DNTT: variants seen among roughly 807,000 people sequenced by gnomAD.
The protein encoded by DNTT is DNA nucleotidylexotransferase.
In DNTT, 47 loss-of-function variants were observed where a neutral mutation model predicts 60.9. The ratio of observed to expected loss-of-function variants is 0.77; its 90% CI spans 0.61 to 0.98. The LOEUF is 0.98. Among genes scored for constraint, DNTT ranks in the 50% least tolerant of loss-of-function variants. The probability of loss-of-function intolerance (pLI) is 0.00; values close to 1 mark genes in which losing one functional copy is unlikely to be tolerated. For synonymous variants in DNTT, 224 were observed against 221.2 expected (o/e 1.01, Z -0.11); for missense variants, 665 against 627.5 (o/e 1.06, Z -0.64).
At chr10:96,313,095 C>G (rs1844739640) in intron 1 of DNTT, among the ~76,000 whole-genome samples, 1 of 152,172 alleles carries the variant, frequency 6.6e-6, no homozygotes, top group Non-Finnish European at 1.5e-5. Context: ...ACTGAGGTAC[C>G]AATGCCAGTT....
intron 4 of DNTT, among the ~76,000 whole-genome samples, chr10:96,321,298 T>C (rs1219229630): frequency 6.6e-6 from 1 of 152,040 alleles, no homozygotes; most frequent in Non-Finnish European, 1.5e-5. Flanking sequence ...CGTTTGACCT[T>C]TTGACTTGGG....
At chr10:96,310,670 A>G (rs1844704881) in intron 1 of DNTT, among the ~76,000 whole-genome samples, 1 of 152,170 alleles carries the variant, frequency 6.6e-6, no homozygotes, top group Admixed American at 6.5e-5. Context: ...ATCTCATCCA[A>G]TTACCCCTCT....
At chr10:96,310,544 C>T (rs371236530) in intron 1 of DNTT, among the ~76,000 whole-genome samples, 2 of 152,182 alleles carry the variant, frequency 1.3e-5, no homozygotes, top group East Asian at 3.8e-4. Context: ...TCTCTGCTTC[C>T]CAGACCTTAG....
At position 96,338,473 on chromosome 10, in the gene DNTT, T is replaced by TG. The variant is rs1169307042; in HGVS notation, c.*251dup. Reference sequence around the variant, plus strand: ...TTTTCAAGAGAAATGATGTTGTCACTGGTGGCTCATTCAGGGAAGCTCATC... The same window carrying TG: ...TTTTCAAGAGAAATGATGTTGTCACTGGGTGGCTCATTCAGGGAAGCTCATC... On this transcript the variant is annotated 3_prime_UTR_variant, in exon 11 of 11. Coordinates refer to ENST00000371174, the MANE Select transcript of DNTT (RefSeq NM_004088.4). 1 of 318,100 alleles carries TG rather than the reference T, an allele frequency of 3.1e-6. No homozygotes were observed. Among genetic ancestry groups the TG allele is most frequent in the Non-Finnish European group, 5.8e-6 (1 of 173,456 alleles). 19.7% of individuals were successfully genotyped at this position (318,100 alleles called of 1,614,324 possible).
rs1845063036 is a variant in DNTT, at chr10:96,335,921, A to G, written c.1390A>G (p.Thr464Ala). 1.9e-6 allele frequency: 3 copies of G among 1,614,204 alleles called. No homozygotes were observed. The highest frequency in any genetic ancestry group is 2.5e-6 in the Non-Finnish European group (3 of 1,180,028). ...QFERDLRRYA[T>A]HERKMILDNH... is the part of the protein sequence containing the mutation. ...TGAGAGAGACCTCCGGCGCTATGCC[A>G]CACATGAGCGGAAGATGATTCTGGA... Residue 464 changes from threonine (T) to alanine (A), a missense_variant, in exon 10 of 11, where the codon ACA becomes GCA. Coordinates refer to ENST00000371174, the MANE Select transcript of DNTT (RefSeq NM_004088.4).
At chr10:96,324,612 G>A (rs1292474139) in intron 6 of DNTT, among the ~76,000 whole-genome samples, 1 of 152,220 alleles carries the variant, frequency 6.6e-6, no homozygotes, top group African/African-American at 2.4e-5. Flanking sequence ...ATGAAAGAGA[G>A]ATAACATTGA....
chr10:96,322,863 A>G, intron 5 of DNTT, 135 bp downstream of exon 5: 1 of 618,000 alleles, frequency 1.6e-6, no homozygotes, highest in Non-Finnish European at 2.7e-6. Context: ...ACAGAAATTT[A>G]TTTTCTCACC....
chr10:96,316,763 C>G (rs1844791493), intron 1 of DNTT, among the ~76,000 whole-genome samples: 1 of 152,186 alleles, frequency 6.6e-6, no homozygotes, highest in Non-Finnish European at 1.5e-5. Context: ...TTTTCCTTCT[C>G]TGAACATGGC....
rs778706264 is a variant in DNTT, at chr10:96,328,679, ACTAATAT to A, written c.1008-40_1008-34del. The A allele has an allele frequency of 5.7e-6, 9 of 1,569,238 alleles. No individual in the cohort carries two copies. The African/African-American group carries it at 1.2e-4, about 21-fold the overall frequency. On this transcript the variant is annotated intron_variant, in intron 7 of 10. Transcript: ENST00000371174. ...CAAAGGTGATTTTTTAAAAATGAAGACTAATATCTAATTGATTTCCATTTTATACTGC... is the reference window on the plus strand; with the variant it reads ...CAAAGGTGATTTTTTAAAAATGAAGACTAATTGATTTCCATTTTATACTGC...
At chr10:96,318,599 C>G in intron 2 of DNTT, 73 bp downstream of exon 2, 1 of 1,529,332 alleles carries the variant, frequency 6.5e-7, no homozygotes, top group East Asian at 2.3e-5. Flanking sequence ...ATCAACGGAG[C>G]TGGGGTAAAC....
intron 1 of DNTT, among the ~76,000 whole-genome samples, chr10:96,310,892 T>C (rs1354976716): frequency 2.0e-5 from 3 of 152,246 alleles, no homozygotes; most frequent in Non-Finnish European, 4.4e-5. Context: ...ACATAATAAA[T>C]ATTTTATTTT....
chr10:96,322,508 G>T (rs770641110), intron 4 of DNTT, 149 bp from the exon 5 acceptor site: 2 of 487,018 alleles, frequency 4.1e-6, no homozygotes, highest in African/African-American at 2.0e-5. Context: ...GAAATGTCTT[G>T]TTTTCTCCAG....
chr10:96,319,535 C>A, intron 3 of DNTT, 145 bp downstream of exon 3: 1 of 1,107,778 alleles, frequency 9.0e-7, no homozygotes, highest in Non-Finnish European at 1.3e-6. Context: ...ATCTCTGATC[C>A]TTCTATCCTT....
At chr10:96,311,092 C>T (rs2146385) in intron 1 of DNTT, among the ~76,000 whole-genome samples, 10,777 of 152,226 alleles carry the variant, frequency 0.071, 1,191 homozygotes, top group East Asian at 0.54. Flanking sequence ...GAAACCTGTC[C>T]TTAGTGGTGC....
intron 1 of DNTT, among the ~76,000 whole-genome samples, chr10:96,313,728 T>G (rs1844749302): frequency 6.6e-6 from 1 of 152,216 alleles, no homozygotes; most frequent in Non-Finnish European, 1.5e-5. Flanking sequence ...ATGCCAGTAT[T>G]TATTGTTGGT....
chr10:96,336,022 G>C (rs759307829), intron 10 of DNTT, 48 bp downstream of exon 10: 8 of 1,596,208 alleles, frequency 5.0e-6, no homozygotes, highest in Non-Finnish European at 6.0e-6. Flanking sequence ...CATCCCCAAG[G>C]CTGGCCCCCG....
rs762901583 is a variant in DNTT at position 96,320,649 on chromosome 10, A to G, written c.539A>G (p.Glu180Gly). The G allele has an allele frequency of 6.2e-7, 1 of 1,613,752 alleles. No individual in the cohort carries two copies. The highest frequency in any genetic ancestry group is 8.5e-7 in the Non-Finnish European group (1 of 1,179,768). Reference protein sequence around the residue: ...DAFDILAENCEFRENEDSCVT... With the variant: ...DAFDILAENCGFRENEDSCVT... ...TTTGATATACTGGCTGAAAACTGTG[A>G]GTTTAGAGAAAATGAAGACTCCTGT... Residue 180 changes from glutamate to glycine, a missense_variant, in exon 4 of 11, where the codon GAG (glutamate) becomes GGG (glycine). Coordinates refer to ENST00000371174, the MANE Select transcript of DNTT (RefSeq NM_004088.4).
chr10:96,332,759 A>G (rs1207792980), intron 9 of DNTT, among the ~76,000 whole-genome samples, 163 bp downstream of exon 9: 1 of 152,220 alleles, frequency 6.6e-6, no homozygotes, highest in Admixed American at 6.5e-5. Context: ...ACACATGGCC[A>G]AGTATGACAG....
At chr10:96,314,173 T>G (rs1175672205) in intron 1 of DNTT, among the ~76,000 whole-genome samples, 1 of 152,126 alleles carries the variant, frequency 6.6e-6, no homozygotes, top group East Asian at 1.9e-4. Flanking sequence ...CCATCTGTAT[T>G]TCTGCCCTTG....
Sources: allele counts gnomAD v4.1 joint callset (sites outside exome capture counted in the v4.1 genomes callset), GRCh38; gene constraint gnomAD v4.1.1; transcripts MANE v1.5; gene names NCBI Gene and HGNC (gene_info 2026-07-23, HGNC 2026-07-21).